The following COG6 variants were observed in gnomAD, a reference collection of about 807,000 sequenced individuals.
COG6 encodes the protein component of oligomeric golgi complex 6.
Under a neutral mutation model 88.8 loss-of-function variants are expected in COG6, and 74 were observed. The ratio of observed to expected loss-of-function variants is 0.83; its 90% CI spans 0.69 to 1.01. COG6 has a LOEUF of 1.01. Among genes scored for constraint, COG6 ranks in the 50% least tolerant of loss-of-function variants. The pLI, the probability that COG6 is intolerant of heterozygous loss-of-function variation, is 0.00. For missense variants in COG6, 800 were observed against 797.9 expected, an observed-to-expected ratio of 1.00 and a Z score of -0.03; for synonymous variants, 286 against 278.7, an observed-to-expected ratio of 1.03 and a Z score of -0.26.
chr13:39,666,606 C>G (rs983734287), intron 4 of COG6, among the ~76,000 whole-genome samples: 8 of 152,050 alleles, frequency 5.3e-5, no homozygotes, highest in African/African-American at 1.9e-4. Context: ...TTATTTTGAG[C>G]CCTTAATCCT....
intron 12 of COG6, among the ~76,000 whole-genome samples, chr13:39,696,786 C>G (rs1877299283): frequency 6.6e-6 from 1 of 151,010 alleles, no homozygotes; most frequent in Admixed American, 6.6e-5. Flanking sequence ...TCTGGATATT[C>G]TGTGAATCAT....
intron 12 of COG6, among the ~76,000 whole-genome samples, chr13:39,697,730 A>G (rs753222906): frequency 1.3e-4 from 20 of 151,892 alleles, no homozygotes; most frequent in Non-Finnish European, 2.4e-4. Flanking sequence ...GCCTACTGCA[A>G]GCTGCTTGGC....
At chr13:39,706,273 A>ATATATATATACTCCTTTATATATATATG (rs1466878377) in intron 13 of COG6, among the ~76,000 whole-genome samples, 2 of 142,298 alleles carry the variant, frequency 1.4e-5, no homozygotes, top group Non-Finnish European at 3.1e-5. Context: ...ATATATATAT[A>ATATATATATACTCCTTTATATATATATG]TATATTTAAA....
At chr13:39,735,238 A>G (rs1452269828) in intron 18 of COG6, among the ~76,000 whole-genome samples, 2 of 151,066 alleles carry the variant, frequency 1.3e-5, no homozygotes, top group Non-Finnish European at 3.0e-5. Context: ...TATATTTTAA[A>G]TTTCTTTTTA....
At chr13:39,733,477 C>A (rs539703369) in intron 18 of COG6, among the ~76,000 whole-genome samples, 1 of 152,070 alleles carries the variant, frequency 6.6e-6, no homozygotes, top group East Asian at 1.9e-4. Flanking sequence ...GTGTGAGCCA[C>A]TGTGCCCGGC....
intron 7 of COG6, 44 bp from the exon 8 acceptor site, chr13:39,682,127 C>G (rs1198694005): frequency 5.2e-6 from 7 of 1,353,970 alleles, no homozygotes; most frequent in Non-Finnish European, 7.4e-6. Context: ...TAATAAACAT[C>G]TAAGCTGAAT....
chr13:39,697,283 G>T (rs1317552623), intron 12 of COG6, among the ~76,000 whole-genome samples: 1 of 151,716 alleles, frequency 6.6e-6, no homozygotes, highest in Admixed American at 6.6e-5. Flanking sequence ...GATAAAGAAT[G>T]GTTGCTAAGG....
intron 18 of COG6, among the ~76,000 whole-genome samples, chr13:39,771,828 C>A (rs1421416010): frequency 6.6e-6 from 1 of 152,202 alleles, no homozygotes; most frequent in Non-Finnish European, 1.5e-5. Context: ...TTCATTTATC[C>A]ATTCAACACC....
intron 18 of COG6, among the ~76,000 whole-genome samples, chr13:39,734,868 T>C (rs1879650879): frequency 6.6e-6 from 1 of 152,174 alleles, no homozygotes; most frequent in South Asian, 2.1e-4. Context: ...GTTTGTCTCT[T>C]TTTATGTTTG....
At chr13:39,662,136 C>G (rs868022170) in intron 3 of COG6, among the ~76,000 whole-genome samples, 6 of 124,254 alleles carry the variant, frequency 4.8e-5, no homozygotes, top group Non-Finnish European at 8.3e-5. Context: ...CTGTTTTGTC[C>G]TTTGTATTTT....
At chr13:39,743,427 C>T (rs895554478) in intron 18 of COG6, among the ~76,000 whole-genome samples, 4 of 152,084 alleles carry the variant, frequency 2.6e-5, no homozygotes, top group Admixed American at 2.0e-4. Flanking sequence ...GGAATATCAC[C>T]ACTGATACCA....
At chr13:39,675,279 A>T (rs1875902208) in intron 4 of COG6, among the ~76,000 whole-genome samples, 1 of 152,108 alleles carries the variant, frequency 6.6e-6, no homozygotes, top group Non-Finnish European at 1.5e-5. Context: ...CTTTTATCAC[A>T]CTCGTCTCTG....
intron 18 of COG6, among the ~76,000 whole-genome samples, chr13:39,776,706 C>T (rs1390710338): frequency 2.0e-5 from 3 of 151,874 alleles, no homozygotes; most frequent in Admixed American, 1.3e-4. Context: ...TTCTTTCAAG[C>T]GGTTTGTCTG....
chr13:39,760,852 C>G (rs911198499), intron 18 of COG6, among the ~76,000 whole-genome samples: 1 of 151,990 alleles, frequency 6.6e-6, no homozygotes, highest in South Asian at 2.1e-4. Context: ...TTTTACTGCA[C>G]TCTTTTTATA....
rs746963696 is a variant in COG6, at chr13:39,687,500, T to C, written c.789-3T>C. On this transcript the variant is annotated splice_polypyrimidine_tract_variant and splice_region_variant and intron_variant, in intron 8 of 18. Coordinates refer to ENST00000455146, the MANE Select transcript of COG6 (RefSeq NM_020751.3). ...CATTTTTTATATAACTTGTTTCTTC[T>C]AGATATACCTTAGATGAATTTGGAA... 1.9e-6 allele frequency: 3 copies of C among 1,612,422 alleles called. No individual in the cohort carries two copies. Among genetic ancestry groups the C allele is most frequent in the Non-Finnish European group, 2.5e-6 (3 of 1,178,560 alleles).
chr13:39,725,968 A>G (rs1190388538), intron 17 of COG6, among the ~76,000 whole-genome samples: 3 of 151,924 alleles, frequency 2.0e-5, no homozygotes, highest in Non-Finnish European at 2.9e-5. Flanking sequence ...ACACATATCC[A>G]GTCTGTAATA....
At chr13:39,658,512 T>G (rs1185976382) in intron 1 of COG6, among the ~76,000 whole-genome samples, 1 of 152,220 alleles carries the variant, frequency 6.6e-6, no homozygotes, top group African/African-American at 2.4e-5. Flanking sequence ...ATACTGGGAT[T>G]ATTTTTGTTT....
intron 4 of COG6, among the ~76,000 whole-genome samples, chr13:39,676,195 C>G (rs1409144397): frequency 6.6e-6 from 1 of 151,928 alleles, no homozygotes; most frequent in Non-Finnish European, 1.5e-5. Context: ...CACTATCTTC[C>G]CCAACCTCTG....
In COG6 at chr13:39,776,475, T is replaced by TA. The variant is rs1392868945; in HGVS notation, c.1827-11859dup. Among the ~76,000 whole-genome samples the TA allele has an allele frequency of 2.0e-5, 3 of 152,242 alleles. No individual in the cohort carries two copies. The East Asian group carries it at 5.8e-4, about 29-fold the overall frequency. ...TGTCTTCTCCATTGTTATTGTTAGA[T>TA]ATTAGCCCTTCTGATCTTGCACAGT... On this transcript the variant is annotated intron_variant, in intron 18 of 18. Transcript: ENST00000416691.
Sources: allele counts gnomAD v4.1 joint callset (sites outside exome capture counted in the v4.1 genomes callset), GRCh38; gene constraint gnomAD v4.1.1; transcripts MANE v1.5; gene names NCBI Gene and HGNC (gene_info 2026-07-23, HGNC 2026-07-21).